Variants in SLC35F4 observed in about 807,000 individuals in gnomAD.
SLC35F4 encodes solute carrier family 35 member F4, also known as chromosome 14 open reading frame 36.
In SLC35F4, 24 loss-of-function variants were observed where a neutral mutation model predicts 44.2. The ratio of observed to expected loss-of-function variants is 0.54; its 90% confidence interval spans 0.39 to 0.76. The LOEUF (loss-of-function observed/expected upper bound fraction) is 0.76, where lower values mean the gene tolerates loss of function less well. Among genes scored for constraint, SLC35F4 ranks in the 30% least tolerant of loss-of-function variants. The pLI, the probability that SLC35F4 is intolerant of heterozygous loss-of-function variation, is 0.00. For missense variants in SLC35F4, 562 were observed against 586.1 expected (o/e 0.96, Z 0.42); for synonymous variants, 238 against 223.6 (o/e 1.06, Z -0.57).
intron 1 of SLC35F4, among the ~76,000 whole-genome samples, chr14:57,897,486 T>C (rs1037944094): frequency 6.6e-6 from 1 of 151,756 alleles, no homozygotes; most frequent in African/African-American, 2.4e-5. Context: ...ACAAAGCGAC[T>C]GAACTATAAA....
chr14:57,706,109 C>T (rs778217271), intron 1 of SLC35F4, among the ~76,000 whole-genome samples: 25 of 152,304 alleles, frequency 1.6e-4, no homozygotes, highest in African/African-American at 3.8e-4. Flanking sequence ...TCCACTGTAA[C>T]GTCAGCCTCA....
rs373932637 is a variant in SLC35F4 at position 57,617,481 on chromosome 14, G to A, written c.104-23357C>T. The stretch of plus-strand genomic sequence containing the variant: ...AAAAAATGACAGAGCTTCCTAATCA[G>A]AGATACCTTTATATACATTATATGC... On this transcript the variant is annotated intron_variant, in intron 1 of 7. Coordinates refer to ENST00000556826, the MANE Select transcript of SLC35F4 (RefSeq NM_001306087.2). Among the ~76,000 whole-genome samples, 11 of 152,194 alleles carry A rather than the reference G, an allele frequency of 7.2e-5. No individual in the cohort carries two copies. In the South Asian group the frequency reaches 2.3e-3, roughly 32 times the overall value.
In SLC35F4 at chr14:57,895,341, T is replaced by C. The variant is rs1888849154; in HGVS notation, n.282+86572A>G. On this transcript the variant is annotated intron_variant and non_coding_transcript_variant, in intron 1 of 1. Transcript: ENST00000556568. ...TGCTTCTGCCTCCTGTTTAGGACCT[T>C]ATTCCAGATATCCAGGTATCTTGGA... 2.0e-5 allele frequency among the ~76,000 whole-genome samples: 3 copies of C among 152,112 alleles called. No homozygotes were observed. The South Asian group carries it at 6.2e-4, about 32-fold the overall frequency.
At chr14:57,970,820 A>C (rs1356290030) in intron 1 of SLC35F4, among the ~76,000 whole-genome samples, 4 of 152,136 alleles carry the variant, frequency 2.6e-5, no homozygotes, top group Non-Finnish European at 5.9e-5. Context: ...TCTAGTCAGC[A>C]CTTGAATGGC....
chr14:57,570,061 G>C (rs1408547383), intron 5 of SLC35F4, 81 bp from the exon 6 acceptor site: 1 of 1,300,294 alleles, frequency 7.7e-7, no homozygotes, highest in African/African-American at 1.5e-5. Flanking sequence ...CATACTGTGA[G>C]CTAACTGGCC....
chr14:57,670,657 T>C (rs1230889986), intron 1 of SLC35F4, among the ~76,000 whole-genome samples: 1 of 152,024 alleles, frequency 6.6e-6, no homozygotes, highest in African/African-American at 2.4e-5. Flanking sequence ...TGAGTCTTAA[T>C]CCTGAGTTCT....
intron 1 of SLC35F4, chr14:57,596,415 C>T (rs17093412): frequency 0.039 from 10,275 of 263,120 alleles, 831 homozygotes; most frequent in African/African-American, 0.19. Context: ...TCGATAAAAA[C>T]GGACTGTCTG....
Position 57,843,729 on chromosome 14 carries a change from A to G in SLC35F4, c.103+21994T>C, listed in dbSNP as rs896378875. Among the ~76,000 whole-genome samples, 6 of 152,282 alleles carry G rather than the reference A, an allele frequency of 3.9e-5. 1 individual carries two copies. Among genetic ancestry groups the G allele is most frequent in the African/African-American group, 1.4e-4 (6 of 41,554 alleles). On this transcript the variant is annotated intron_variant, in intron 1 of 7. Coordinates refer to ENST00000556826, the MANE Select transcript of SLC35F4 (RefSeq NM_001306087.2). ...AACATTTATCTTAATTTTATAATAAAATAAACTGAAACTGTACTTTTATTC... is the reference window on the plus strand; with the variant it reads ...AACATTTATCTTAATTTTATAATAAGATAAACTGAAACTGTACTTTTATTC...
At chr14:57,664,263 C>A (rs559569017) in intron 1 of SLC35F4, among the ~76,000 whole-genome samples, 1 of 152,070 alleles carries the variant, frequency 6.6e-6, no homozygotes, top group Non-Finnish European at 1.5e-5. Context: ...ATGACTGTGC[C>A]CAAACTATTA....
In SLC35F4 at chr14:57,564,143, G is replaced by T; in HGVS notation, c.1450C>A (p.Leu484Met). The change falls in exon 8 of 8, where the codon CTG becomes ATG. Residue 484 changes from leucine to methionine, a missense_variant. Physicochemically the swap from Leu to Met is conservative, Grantham distance 15 (BLOSUM62 2). Transcript: ENST00000556826. ...TCAAAATATGTCCCTCTCTAAGCCA[G>T]TGGTATAGACACTGTCCCATTGGCT... ...GRANGTVSIP[L>M]A The T allele has an allele frequency of 6.2e-7, 1 of 1,613,706 alleles. No homozygotes were observed. Among genetic ancestry groups the T allele is most frequent in the Non-Finnish European group, 8.5e-7 (1 of 1,179,784 alleles).
intron 1 of SLC35F4, chr14:57,596,397 A>T: frequency 3.8e-6 from 1 of 265,894 alleles, no homozygotes; most frequent in Non-Finnish European, 7.3e-6. Context: ...TAATTGGACA[A>T]TTCAAGTTCG....
chr14:57,808,928 GTTC>G (rs150385206), intron 1 of SLC35F4, among the ~76,000 whole-genome samples: 69,157 of 151,946 alleles, frequency 0.46, 17,783 homozygotes, highest in African/African-American at 0.69. Context: ...TTAATCCATT[GTTC>G]TTCTTTTTTT....
At position 57,776,872 on chromosome 14, in the gene SLC35F4, G is replaced by C. The variant is rs1188842985; in HGVS notation, c.103+88851C>G. 2.0e-5 allele frequency among the ~76,000 whole-genome samples: 3 copies of C among 152,080 alleles called. No homozygotes were observed. In the East Asian group the frequency reaches 5.8e-4, roughly 29 times the overall value. On this transcript the variant is annotated intron_variant, in intron 1 of 7. Transcript: ENST00000556826. ...CAAATTAAGCTTTGGAAACACAGGA[G>C]AAATAAGATCCTTTTCAGACAAGCA...
chr14:57,667,288 G>A (rs550684182), intron 1 of SLC35F4, among the ~76,000 whole-genome samples: 2 of 151,918 alleles, frequency 1.3e-5, no homozygotes, highest in African/African-American at 4.8e-5. Context: ...TAAAGGGAGT[G>A]TCAAAATTGA....
intron 3 of SLC35F4, among the ~76,000 whole-genome samples, chr14:57,584,239 A>G (rs545170916): frequency 2.0e-5 from 3 of 152,330 alleles, no homozygotes; most frequent in South Asian, 2.1e-4. Flanking sequence ...ATTATAAAAA[A>G]CTACTTCTAA....
chr14:57,924,041 T>C (rs1889496033), intron 1 of SLC35F4, among the ~76,000 whole-genome samples: 1 of 152,174 alleles, frequency 6.6e-6, no homozygotes, highest in Non-Finnish European at 1.5e-5. Context: ...AAATGGGAGT[T>C]TCCCTGTACA....
chr14:57,870,984 T>C (rs1403405697), upstream of SLC35F4, among the ~76,000 whole-genome samples: 2 of 152,200 alleles, frequency 1.3e-5, no homozygotes, highest in African/African-American at 4.8e-5. Flanking sequence ...TAAGGAAGCA[T>C]GAGCACAGGA....
At chr14:57,689,582 TC>T (rs1344211189) in intron 1 of SLC35F4, among the ~76,000 whole-genome samples, 1 of 152,056 alleles carries the variant, frequency 6.6e-6, no homozygotes, top group African/African-American at 2.4e-5. Flanking sequence ...AATATATCAT[TC>T]CTTTGCTTAA....
Position 57,897,157 on chromosome 14 carries a change from C to T in SLC35F4, n.282+84756G>A, listed in dbSNP as rs1026247447. Among the ~76,000 whole-genome samples, 18 of 152,112 alleles carry T rather than the reference C, an allele frequency of 1.2e-4. 1 individual carries two copies. Among genetic ancestry groups the T allele is most frequent in the Admixed American group, 9.8e-4 (15 of 15,276 alleles). ...CAGAAGCACTGAGATACTAAGTTGA[C>T]GTATGTACACTTTTACTCTCTTTCT... On this transcript the variant is annotated intron_variant and non_coding_transcript_variant, in intron 1 of 1. Transcript: ENST00000556568.
Sources: allele counts gnomAD v4.1 joint callset (sites outside exome capture counted in the v4.1 genomes callset), GRCh38; gene constraint gnomAD v4.1.1; transcripts MANE v1.5; gene names NCBI Gene and HGNC (gene_info 2026-07-23, HGNC 2026-07-21).